The following TRPV1 variants were observed in gnomAD, a reference collection of about 807,000 sequenced individuals.
TRPV1 encodes the protein OTRPC1.
In TRPV1, 82 loss-of-function variants were observed where a neutral mutation model predicts 82.3. The observed-to-expected ratio is 1.00, with a 90% CI of 0.83 to 1.20. The LOEUF (loss-of-function observed/expected upper bound fraction) is 1.20, where lower values mean the gene tolerates loss of function less well. Among genes scored for constraint, TRPV1 ranks in the 50% most tolerant of loss-of-function variants. The pLI is 0.00. For synonymous variants in TRPV1, 515 were observed against 467.7 expected (o/e 1.10, Z -1.30); for missense variants, 1,067 against 1,096.8 (o/e 0.97, Z 0.38).
intron 9 of TRPV1, among the ~76,000 whole-genome samples, chr17:3,584,421 ATAAAAAAAAAAGG>A (rs2075059527): frequency 6.1e-5 from 1 of 16,298 alleles, no homozygotes. Flanking sequence ...AAAAAATAAA[ATAAAAAAAAAAGG>A]AAGTCATTAT....
rs1192781832 is a variant in TRPV1 at position 3,600,750 on chromosome 17, G to A, written c.-34+7677C>T. On this transcript the variant is annotated intron_variant, in intron 2 of 16. Coordinates refer to ENST00000572705, the MANE Select transcript of TRPV1 (RefSeq NM_080704.4). ...GCCTGCTCAGAGGCCTGCAGGGGAA[G>A]TCCCGGCCCTCCTCCTGCCCTGGCC... Among the ~76,000 whole-genome samples, 6 of 152,292 alleles carry A rather than the reference G, an allele frequency of 3.9e-5. No individual in the cohort carries two copies. The East Asian group carries it at 1.2e-3, about 29-fold the overall frequency.
At chr17:3,585,011 G>C (rs1307887005) in intron 9 of TRPV1, 1 of 152,314 alleles carries the variant, frequency 6.6e-6, no homozygotes, top group Admixed American at 6.5e-5. Context: ...TCCAGGGAAT[G>C]AATAATGAGC....
Position 3,589,421 on chromosome 17 carries a change from C to T in TRPV1, c.1044+386G>A, listed in dbSNP as rs942542471. Among the ~76,000 whole-genome samples, 8 of 152,166 alleles carry T rather than the reference C, an allele frequency of 5.3e-5. No homozygotes were observed. The South Asian group carries it at 1.7e-3, about 32-fold the overall frequency. On this transcript the variant is annotated intron_variant, in intron 7 of 16. Transcript: ENST00000572705. ...TTCACCAGGTTGGTCAGGCTGGTCT[C>T]GAACTCCTAACCTCAGGTGATCCAC...
intron 16 of TRPV1, among the ~76,000 whole-genome samples, chr17:3,569,263 T>C (rs2074815824): frequency 6.6e-6 from 1 of 151,456 alleles, no homozygotes; most frequent in South Asian, 2.1e-4. Flanking sequence ...ACTTAAAGTA[T>C]AATAAAAAAA....
chr17:3,604,171 G>C (rs1454836392), intron 2 of TRPV1, among the ~76,000 whole-genome samples: 1 of 152,230 alleles, frequency 6.6e-6, no homozygotes, highest in East Asian at 1.9e-4. Context: ...CTGGGCCTTG[G>C]ACAAGGAGAA....
chr17:3,580,411 C>A (rs202105940), intron 11 of TRPV1, 46 bp downstream of exon 11: 1 of 1,596,964 alleles, frequency 6.3e-7, no homozygotes, highest in Non-Finnish European at 8.6e-7. Flanking sequence ...GAACTGATTG[C>A]GGTCACCTGG....
chr17:3,589,614 T>C (rs1212660402), intron 7 of TRPV1, among the ~76,000 whole-genome samples, 193 bp downstream of exon 7: 1 of 152,198 alleles, frequency 6.6e-6, no homozygotes, highest in African/African-American at 2.4e-5. Flanking sequence ...AAATGGCACG[T>C]TGGCCATTGC....
At chr17:3,589,405 T>C (rs1399368013) in intron 7 of TRPV1, among the ~76,000 whole-genome samples, 1 of 151,976 alleles carries the variant, frequency 6.6e-6, no homozygotes, top group Non-Finnish European at 1.5e-5. Flanking sequence ...TTTCACCAGG[T>C]TGGTCAGGCT....
At chr17:3,582,374 A>C (rs2075032353) in intron 10 of TRPV1, among the ~76,000 whole-genome samples, 1 of 151,822 alleles carries the variant, frequency 6.6e-6, no homozygotes, top group South Asian at 2.1e-4. Flanking sequence ...CCCATCTTAT[A>C]AAAATTAAAA....
chr17:3,581,773 T>G (rs927342450), intron 10 of TRPV1, among the ~76,000 whole-genome samples: 1 of 145,570 alleles, frequency 6.9e-6, no homozygotes, highest in Admixed American at 7.0e-5. Context: ...TAGTCCCAGC[T>G]ACTCGGGAGG....
intron 2 of TRPV1, among the ~76,000 whole-genome samples, chr17:3,598,563 CTTTTTT>C (rs57290148): frequency 2.6e-5 from 3 of 116,808 alleles, no homozygotes; most frequent in Admixed American, 9.0e-5. Context: ...CGCTTAGTCA[CTTTTTT>C]TTTTTTTTTT....
intron 2 of TRPV1, among the ~76,000 whole-genome samples, chr17:3,596,611 G>A (rs1014060914): frequency 5.3e-5 from 8 of 152,258 alleles, no homozygotes; most frequent in African/African-American, 1.2e-4. Flanking sequence ...CTCCTCCCCC[G>A]AGGACGGCTG....
At chr17:3,573,548 C>CCCCCCCCCCCCCCCG in intron 14 of TRPV1, 85 bp downstream of exon 14, 1 of 411,100 alleles carries the variant, frequency 2.4e-6, no homozygotes, top group Non-Finnish European at 3.6e-6. Flanking sequence ...ACCACCCACC[C>CCCCCCCCCCCCCCCG]ACCTGCAGCC....
intron 14 of TRPV1, 134 bp downstream of exon 14, chr17:3,573,499 A>T: frequency 1.1e-6 from 1 of 946,340 alleles, no homozygotes; most frequent in Non-Finnish European, 1.5e-6. Flanking sequence ...AAGGCAGCGG[A>T]TAGAGAGGCC....
chr17:3,572,530 G>A (rs1164654058), intron 14 of TRPV1, among the ~76,000 whole-genome samples: 1 of 152,208 alleles, frequency 6.6e-6, no homozygotes, highest in Non-Finnish European at 1.5e-5. Context: ...CCCAGACCCT[G>A]CCCTGAGGAG....
intron 14 of TRPV1, 104 bp downstream of exon 14, chr17:3,573,529 A>ACAGCCCCCCCCCCCCCC: frequency 4.8e-5 from 1 of 20,996 alleles, no homozygotes; most frequent in Non-Finnish European, 1.1e-4. Context: ...CTGGCCACAC[A>ACAGCCCCCCCCCCCCCC]CCGCCCCCAC....
Position 3,566,528 on chromosome 17 carries a change from C to A in TRPV1, c.*287G>T. On this transcript the variant is annotated 3_prime_UTR_variant, in exon 17 of 17. Transcript: ENST00000572705. The stretch of plus-strand genomic sequence containing the variant: ...GAATAAAATCAAAGAAAACAAGGGC[C>A]TAACATGTCCCAGTAGAGACTGACC... The A allele has an allele frequency of 3.6e-6, 1 of 278,226 alleles. No homozygotes were observed. The highest frequency in any genetic ancestry group is 6.6e-6 in the Non-Finnish European group (1 of 150,494). The allele number at this position is 278,226 out of a possible 1,614,324, so 17.2% of individuals were successfully genotyped here.
At chr17:3,574,210 C>T (rs576037475) in intron 13 of TRPV1, among the ~76,000 whole-genome samples, 2 of 152,182 alleles carry the variant, frequency 1.3e-5, no homozygotes, top group South Asian at 4.1e-4. Context: ...CAGTGCACAA[C>T]CTGCTTAACC....
Position 3,571,565 on chromosome 17 carries a change from C to G in TRPV1, c.2306G>C (p.Gly769Ala), listed in dbSNP as rs1444742775. 6.2e-7 allele frequency: 1 copy of G among 1,611,946 alleles called. No individual in the cohort carries two copies. The highest frequency in any genetic ancestry group is 1.3e-5 in the African/African-American group (1 of 74,920). Residue 769 changes from glycine to alanine, a missense_variant, in exon 16 of 17, where the codon GGC becomes GCC. Coordinates refer to ENST00000572705, the MANE Select transcript of TRPV1 (RefSeq NM_080704.4). ...IINEDPGNCE[G>A]VKRTLSFSLR... ...GGAGAAGCTCAGGGTGCGCTTGACG[C>G]CCTCACAGTTGCCCGGGTCTTCGTT...
Sources: allele counts gnomAD v4.1 joint callset (sites outside exome capture counted in the v4.1 genomes callset), GRCh38; gene constraint gnomAD v4.1.1; transcripts MANE v1.5; gene names NCBI Gene and HGNC (gene_info 2026-07-23, HGNC 2026-07-21).